The following ALMS1 variants were observed in gnomAD, a reference collection of about 807,000 sequenced individuals.
ALMS1 encodes the protein centrosome-associated protein ALMS1.
In ALMS1, 271 loss-of-function variants were observed where a neutral mutation model predicts 352.2. The observed-to-expected ratio is 0.77, with a 90% confidence interval of 0.70 to 0.85. The LOEUF (loss-of-function observed/expected upper bound fraction) is 0.85. Among genes scored for constraint, ALMS1 ranks in the 40% least tolerant of loss-of-function variants. The pLI, the probability that ALMS1 is intolerant of heterozygous loss-of-function variation, is 0.00. For missense variants in ALMS1, 5,445 were observed against 4,870.7 expected (o/e 1.12, Z -3.51); for synonymous variants, 1,865 against 1,761.2 (o/e 1.06, Z -1.48).
intron 22 of ALMS1, among the ~76,000 whole-genome samples, chr2:73,608,786 G>T (rs1014329038): frequency 2.0e-5 from 3 of 152,200 alleles, no homozygotes; most frequent in Non-Finnish European, 2.9e-5. Flanking sequence ...ATGGTGTAAG[G>T]CCCTTTCCAT....
At chr2:73,476,696 G>C (rs908316153) in intron 9 of ALMS1, among the ~76,000 whole-genome samples, 1 of 150,906 alleles carries the variant, frequency 6.6e-6, no homozygotes, top group African/African-American at 2.4e-5. Flanking sequence ...TTTCATTTTT[G>C]GTTGGCCAGT....
At chr2:73,515,309 C>A (rs1362623998) in intron 10 of ALMS1, among the ~76,000 whole-genome samples, 1 of 151,926 alleles carries the variant, frequency 6.6e-6, no homozygotes, top group Non-Finnish European at 1.5e-5. Flanking sequence ...TTATCTATTT[C>A]CCTTTATCTT....
Position 73,467,523 on chromosome 2 carries a change from C to G in ALMS1, c.7674+12228C>G, listed in dbSNP as rs190180109. 2.9e-3 allele frequency among the ~76,000 whole-genome samples: 434 copies of G among 152,174 alleles called. 5 individuals are homozygous for G. The highest frequency in any genetic ancestry group is 2.5e-3 in the Non-Finnish European group (171 of 67,970). On this transcript the variant is annotated intron_variant, in intron 9 of 22. Coordinates refer to ENST00000613296, the MANE Select transcript of ALMS1 (RefSeq NM_001378454.1). ...GCTGATGGGAAGGTAAACTGGTACACAACTCTTAAAATAATTTATAGTTAT... is the reference window on the plus strand; with the variant it reads ...GCTGATGGGAAGGTAAACTGGTACAGAACTCTTAAAATAATTTATAGTTAT...
chr2:73,414,604 T>C (rs537327499), intron 2 of ALMS1, among the ~76,000 whole-genome samples: 21 of 151,562 alleles, frequency 1.4e-4, no homozygotes, highest in Non-Finnish European at 2.8e-4. Flanking sequence ...TTTATGTAGC[T>C]GAATACAGTG....
At position 73,400,430 on chromosome 2, in the gene ALMS1, T is replaced by C. The variant is rs571214952; in HGVS notation, c.325-8192T>C. ...TTTTTGGTAATATGTTTGTCTGGTA[T>C]TGGCAGTAGGGTAATACAGACTTCA... is the stretch of plus-strand genomic sequence containing the variant. On this transcript the variant is annotated intron_variant, in intron 1 of 22. Coordinates refer to ENST00000613296, the MANE Select transcript of ALMS1 (RefSeq NM_001378454.1). Among the ~76,000 whole-genome samples, 8 of 152,344 alleles carry C rather than the reference T, an allele frequency of 5.3e-5. No homozygotes were observed. In the East Asian group the frequency reaches 1.2e-3, roughly 22 times the overall value.
intron 15 of ALMS1, among the ~76,000 whole-genome samples, chr2:73,566,671 G>C (rs1227458239): frequency 6.6e-6 from 1 of 152,116 alleles, no homozygotes; most frequent in African/African-American, 2.4e-5. Flanking sequence ...AAGCAGTTCT[G>C]ACACTGACAA....
chr2:73,535,091 A>G, intron 12 of ALMS1, 142 bp downstream of exon 12: 1 of 1,017,562 alleles, frequency 9.8e-7, no homozygotes. Context: ...TCTCTGGTTC[A>G]GATAGGTGAG....
At chr2:73,478,396 T>G (rs946065013) in intron 9 of ALMS1, among the ~76,000 whole-genome samples, 1 of 152,104 alleles carries the variant, frequency 6.6e-6, no homozygotes, top group Admixed American at 6.5e-5. Context: ...GTTAAAAAAT[T>G]TGTAAGATAT....
At chr2:73,464,930 T>C (rs1209512182) in intron 9 of ALMS1, among the ~76,000 whole-genome samples, 1 of 152,118 alleles carries the variant, frequency 6.6e-6, no homozygotes, top group Non-Finnish European at 1.5e-5. Context: ...AAACCACTGC[T>C]CAATGAAATA....
rs2103889947 is a variant in ALMS1 at position 73,489,852 on chromosome 2, A to C, written c.7893A>C (p.Ala2631=). Residue 2631 remains alanine, a synonymous_variant, in exon 10 of 23, where the codon GCA becomes GCC. Coordinates refer to ENST00000613296, the MANE Select transcript of ALMS1 (RefSeq NM_001378454.1). ...GAGCCAAGCATGTCAACCTTTCTGC[A>C]TCCTTAGACCAGAACAACTCCCATT... The part of the protein sequence containing the change: ...SCRAKHVNLS[A]SLDQNNSHFK... The C allele has an allele frequency of 1.2e-6, 2 of 1,614,200 alleles. No homozygotes were observed. The highest frequency in any genetic ancestry group is 1.7e-6 in the Non-Finnish European group (2 of 1,180,030).
At chr2:73,526,951 A>G (rs1323565148) in intron 11 of ALMS1, among the ~76,000 whole-genome samples, 2 of 152,088 alleles carry the variant, frequency 1.3e-5, no homozygotes, top group South Asian at 2.1e-4. Flanking sequence ...TGTTCTCTAT[A>G]CCTAGTTTTT....
intron 9 of ALMS1, among the ~76,000 whole-genome samples, chr2:73,486,647 A>G (rs1312933530): frequency 6.6e-6 from 1 of 152,232 alleles, no homozygotes; most frequent in Non-Finnish European, 1.5e-5. Flanking sequence ...TCAGGTCCCT[A>G]GATCTCTAGC....
chr2:73,550,939 T>C (rs1674419191), intron 13 of ALMS1, among the ~76,000 whole-genome samples: 1 of 152,062 alleles, frequency 6.6e-6, no homozygotes, highest in Non-Finnish European at 1.5e-5. Context: ...ACTCCTGGAC[T>C]CCAGTGATCC....
chr2:73,464,296 C>A (rs1391488576), intron 9 of ALMS1, among the ~76,000 whole-genome samples: 1 of 152,162 alleles, frequency 6.6e-6, no homozygotes, highest in Non-Finnish European at 1.5e-5. Flanking sequence ...TCAACATATG[C>A]AAATCAATAA....
chr2:73,603,201 A>G (rs1440157212), intron 20 of ALMS1, 40 bp from the exon 21 acceptor site: 2 of 1,599,436 alleles, frequency 1.3e-6, no homozygotes, highest in Admixed American at 1.7e-5. Context: ...CCTCTGGGTT[A>G]AGTCACTGTC....
intron 9 of ALMS1, among the ~76,000 whole-genome samples, chr2:73,484,152 C>G (rs1159715551): frequency 6.6e-6 from 1 of 151,630 alleles, no homozygotes; most frequent in Non-Finnish European, 1.5e-5. Flanking sequence ...TTAGTTGATG[C>G]AGTTTCTTCC....
intron 3 of ALMS1, among the ~76,000 whole-genome samples, chr2:73,421,878 C>T (rs1180340507): frequency 1.3e-5 from 2 of 152,090 alleles, no homozygotes; most frequent in Non-Finnish European, 2.9e-5. Flanking sequence ...CACAGTGTTG[C>T]AGGCATTCTG....
chr2:73,453,668 T>C lies in ALMS1; in HGVS notation c.7141T>C (p.Tyr2381His), dbSNP rs1671998254. Residue 2381 changes from tyrosine to histidine, a missense_variant, in exon 8 of 23, where the codon TAT becomes CAT. Transcript: ENST00000613296. ...GGCATTAGAAGAAACTCTTAGGCAA[T>C]ATCAAGCAGCCAAATCTGTAATGAG... is the stretch of plus-strand genomic sequence containing the variant. ...SMALEETLRQ[Y>H]QAAKSVMRSE... 6.2e-7 allele frequency: 1 copy of C among 1,614,066 alleles called. No homozygotes were observed. Among genetic ancestry groups the C allele is most frequent in the East Asian group, 2.2e-5 (1 of 44,874 alleles).
intron 6 of ALMS1, among the ~76,000 whole-genome samples, chr2:73,430,111 C>G (rs1034869792): frequency 6.7e-6 from 1 of 148,640 alleles, no homozygotes; most frequent in African/African-American, 2.5e-5. Flanking sequence ...GAGTCTCCCA[C>G]TGTTGCCCAG....
Sources: gnomAD v4.1 joint callset for allele counts (sites outside exome capture counted in the v4.1 genomes callset) on GRCh38, gnomAD v4.1.1 for gene constraint, MANE v1.5 for transcripts, NCBI Gene and HGNC (gene_info 2026-07-23, HGNC 2026-07-21) for gene names.